KPNA7: variants seen among roughly 807,000 people sequenced by gnomAD.
KPNA7 encodes importin subunit alpha-8.
KPNA7 carries 54 observed loss-of-function variants against 53.7 expected under a neutral mutation model. The observed-to-expected ratio is 1.01, with a 90% CI of 0.81 to 1.26. KPNA7 has a LOEUF of 1.26. Among genes scored for constraint, KPNA7 ranks in the 50% most tolerant of loss-of-function variants. The pLI is 0.00. For missense variants in KPNA7, 640 were observed against 644.5 expected (o/e 0.99, Z 0.07); for synonymous variants, 276 against 259.3 (o/e 1.06, Z -0.62).
chr7:99,199,616 T>A (rs925090530), intron 3 of KPNA7, among the ~76,000 whole-genome samples: 3 of 152,156 alleles, frequency 2.0e-5, no homozygotes, highest in African/African-American at 7.2e-5. Flanking sequence ...GGCCTAAAAG[T>A]AAGAGCTAAA....
chr7:99,165,054 T>A, the KPNA7 span, among the ~76,000 whole-genome samples: 1 of 152,098 alleles, frequency 6.6e-6, no homozygotes, highest in East Asian at 1.9e-4. Flanking sequence ...GGCAGGAGGA[T>A]CACTTGAGCC....
chr7:99,176,115 G>A (rs886399845), intron 10 of KPNA7, among the ~76,000 whole-genome samples: 21 of 151,564 alleles, frequency 1.4e-4, no homozygotes, highest in African/African-American at 4.1e-4. Context: ...TGGCTAACAC[G>A]GTGAAACCCC....
Position 99,195,186 on chromosome 7 carries a change from G to A in KPNA7, c.437C>T (p.Ser146Leu), listed in dbSNP as rs1395088843. ...TTCTACCACGGCACGAGTCTGCTCC[G>A]AAGTCCCTGAAGCGATGTTGGTCAG... ...WALTNIASGT[S>L]EQTRAVVEGG... The change falls in exon 5 of 11, where the codon TCG becomes TTG. Residue 146 changes from serine (S) to leucine (L), a missense_variant. By Grantham distance (145) the Ser-to-Leu change is moderately radical. Coordinates refer to ENST00000327442, the MANE Select transcript of KPNA7 (RefSeq NM_001145715.3). 1.0e-5 allele frequency: 16 copies of A among 1,551,430 alleles called. No individual in the cohort carries two copies. Among genetic ancestry groups the A allele is most frequent in the African/African-American group, 9.6e-5 (7 of 72,978 alleles).
At chr7:99,215,287 G>A (rs988033932) in intron 1 of KPNA7, among the ~76,000 whole-genome samples, 6 of 139,548 alleles carry the variant, frequency 4.3e-5, no homozygotes, top group Non-Finnish European at 7.6e-5. Context: ...CACTGGAATC[G>A]CTTGAACCCG....
At chr7:99,210,691 T>A (rs1791044758), upstream of KPNA7, among the ~76,000 whole-genome samples, 2 of 152,086 alleles carry the variant, frequency 1.3e-5, no homozygotes, top group South Asian at 4.1e-4. Flanking sequence ...TGAGCTCAAG[T>A]GATCCTCCTG....
upstream of KPNA7, among the ~76,000 whole-genome samples, chr7:99,210,065 T>TAA (rs71515266): frequency 1.3e-5 from 2 of 152,002 alleles, no homozygotes; most frequent in Non-Finnish European, 2.9e-5. Flanking sequence ...CTCTCCTGCT[T>TAA]AAAAAAACTC....
chr7:99,195,439 A>C (rs939074215), intron 4 of KPNA7, 101 bp from the exon 5 acceptor site: 23 of 1,147,738 alleles, frequency 2.0e-5, no homozygotes, highest in Non-Finnish European at 2.8e-5. Context: ...CTGTAATCTC[A>C]GCACTTTGGG....
In KPNA7 at chr7:99,207,656, GAC is replaced by G. The variant is rs375750421; in HGVS notation, c.-23-169_-23-168del. On this transcript the variant is annotated intron_variant, in intron 1 of 10. Coordinates refer to ENST00000327442, the MANE Select transcript of KPNA7 (RefSeq NM_001145715.3). ...TTTTTTTTTTTTTTTTTTTTTTTGA[GAC>G]AGAGTCTCGCTCTGTTGCCCAGACT... 1.3e-4 allele frequency: 53 copies of G among 395,628 alleles called. 1 individual carries two copies. The African/African-American group carries it at 1.4e-3, about 10-fold the overall frequency. The allele number at this position is 395,628 out of a possible 1,614,324, so 24.5% of individuals were successfully genotyped here. A position where few individuals can be genotyped will look rare whatever the true frequency, so the allele number is the denominator to read the frequency against.
intron 2 of KPNA7, among the ~76,000 whole-genome samples, chr7:99,206,207 A>G (rs1399565808): frequency 6.6e-6 from 1 of 151,908 alleles, no homozygotes; most frequent in Non-Finnish European, 1.5e-5. Flanking sequence ...TGTCGCCTGG[A>G]TGGAGTGCAG....
chr7:99,171,841 C>T (rs960017936), downstream of KPNA7, among the ~76,000 whole-genome samples: 5 of 152,148 alleles, frequency 3.3e-5, no homozygotes, highest in African/African-American at 1.2e-4. Context: ...GGAGCCCCCA[C>T]AATGATGGTA....
At chr7:99,190,329 C>G (rs530077323) in intron 6 of KPNA7, among the ~76,000 whole-genome samples, 20 of 118,096 alleles carry the variant, frequency 1.7e-4, no homozygotes, top group Admixed American at 7.0e-4. Context: ...GAGCAAGACT[C>G]TGTCTCAAAA....
At chr7:99,207,792 C>T (rs147238553) in intron 1 of KPNA7, among the ~76,000 whole-genome samples, 1,809 of 151,698 alleles carry the variant, frequency 0.012, 30 homozygotes, top group African/African-American at 0.042. Context: ...CCTGCCACCA[C>T]GCCCGGCTAA....
chr7:99,212,602 T>A (rs1791105365), upstream of KPNA7, among the ~76,000 whole-genome samples: 1 of 151,898 alleles, frequency 6.6e-6, no homozygotes, highest in African/African-American at 2.4e-5. Flanking sequence ...CGTTGCTTTT[T>A]AAGACTAAAT....
At chr7:99,158,634 G>A in the KPNA7 span, among the ~76,000 whole-genome samples, 2 of 152,060 alleles carry the variant, frequency 1.3e-5, no homozygotes, top group Non-Finnish European at 2.9e-5. Flanking sequence ...CTCCTGAGTA[G>A]CTGGGACTGT....
chr7:99,174,454 C>A (rs151079959), intron 10 of KPNA7, among the ~76,000 whole-genome samples: 1 of 152,118 alleles, frequency 6.6e-6, no homozygotes, highest in Non-Finnish European at 1.5e-5. Flanking sequence ...CCCCTCACCC[C>A]CCAGCCTGTG....
At chr7:99,154,137 T>G in the KPNA7 span, among the ~76,000 whole-genome samples, 1 of 149,516 alleles carries the variant, frequency 6.7e-6, no homozygotes, top group Non-Finnish European at 1.5e-5. Context: ...TCACACACTT[T>G]TTTTTTTTTT....
chr7:99,151,324 T>G, the KPNA7 span, among the ~76,000 whole-genome samples: 2 of 152,310 alleles, frequency 1.3e-5, no homozygotes, highest in African/African-American at 4.8e-5. Flanking sequence ...AGATTTTGAT[T>G]TTTTTCTTCC....
At chr7:99,152,920 C>T in the KPNA7 span, among the ~76,000 whole-genome samples, 3 of 152,226 alleles carry the variant, frequency 2.0e-5, no homozygotes, top group South Asian at 4.1e-4. Flanking sequence ...AAAGACTGTA[C>T]TTACTTTAGT....
intron 2 of KPNA7, among the ~76,000 whole-genome samples, chr7:99,203,885 A>G (rs1790670173): frequency 6.6e-6 from 1 of 151,830 alleles, no homozygotes; most frequent in Admixed American, 6.6e-5. Context: ...TATGTTTTAT[A>G]TTTTTAGTAG....
Sources: gnomAD v4.1 joint callset for allele counts (sites outside exome capture counted in the v4.1 genomes callset) on GRCh38, gnomAD v4.1.1 for gene constraint, MANE v1.5 for transcripts, NCBI Gene and HGNC (gene_info 2026-07-23, HGNC 2026-07-21) for gene names.